The following GMPS variants were observed in gnomAD, a reference collection of about 807,000 sequenced individuals.
GMPS encodes GMP synthase [glutamine-hydrolyzing].
A neutral mutation model predicts 77.9 loss-of-function variants in GMPS; 15 were observed. The ratio of observed to expected loss-of-function variants is 0.19; its 90% CI spans 0.13 to 0.30. The LOEUF (loss-of-function observed/expected upper bound fraction) is 0.30, where lower values mean the gene tolerates loss of function less well. Among genes scored for constraint, GMPS ranks in the 10% least tolerant of loss-of-function variants. The probability of loss-of-function intolerance (pLI) is 1.00; values close to 1 mark genes in which losing one functional copy is unlikely to be tolerated. For missense variants in GMPS, 590 were observed against 838.8 expected, an observed-to-expected ratio of 0.70 and a Z score of 3.66; for synonymous variants, 224 against 275.9, an observed-to-expected ratio of 0.81 and a Z score of 1.86.
At chr3:155,899,654 T>C (rs1425842766) in intron 3 of GMPS, among the ~76,000 whole-genome samples, 1 of 152,212 alleles carries the variant, frequency 6.6e-6, no homozygotes, top group Admixed American at 6.5e-5. Context: ...TCATTCTTGA[T>C]TTTTGTACAT....
rs1200480346 is a variant in GMPS at position 155,940,974 on chromosome 3, T to C, written c.*3282T>C. The C allele has an allele frequency of 4.8e-6, 1 of 206,412 alleles. No homozygotes were observed. Among genetic ancestry groups the C allele is most frequent in the Non-Finnish European group, 9.9e-6 (1 of 101,146 alleles). 12.8% of individuals were successfully genotyped at this position (206,412 alleles called of 1,614,324 possible). A position where few individuals can be genotyped will look rare whatever the true frequency, so the allele number is the denominator to read the frequency against. On this transcript the variant is annotated 3_prime_UTR_variant, in exon 16 of 16. Coordinates refer to ENST00000496455, the MANE Select transcript of GMPS (RefSeq NM_003875.3). ...TTTGAAAAGCTGACAGAGAATATGC[T>C]TTGGCTTTGACACTAATGAAGTCAC... is the stretch of plus-strand genomic sequence containing the variant.
chr3:155,873,638 C>CTTTTTTTTTT lies in GMPS; in HGVS notation c.27+2746_27+2755dup, dbSNP rs58365650. On this transcript the variant is annotated intron_variant, in intron 1 of 15. Transcript: ENST00000496455. Reference sequence around the variant, plus strand: ...TGTCGTTAGGTTACATGAGTAAGTTCTTTTTTTTTTTTTTGAGATGGAGTC... The same window carrying CTTTTTTTTTT: ...TGTCGTTAGGTTACATGAGTAAGTTCTTTTTTTTTTTTTTTTTTTTTTTTGAGATGGAGTC... 4.6e-3 allele frequency among the ~76,000 whole-genome samples: 379 copies of CTTTTTTTTTT among 82,518 alleles called. 88 individuals carry two copies. The highest frequency in any genetic ancestry group is 5.9e-3 in the East Asian group (15 of 2,550). The allele number at this position is 82,518 out of a possible 152,430, so 54.1% of individuals were successfully genotyped here.
Position 155,910,819 on chromosome 3 carries a change from C to T in GMPS, c.654C>T (p.Thr218=), listed in dbSNP as rs368384536. 1.4e-5 allele frequency: 22 copies of T among 1,611,526 alleles called. No individual in the cohort carries two copies. In the East Asian group the frequency reaches 2.5e-4, roughly 18 times the overall value. ...TAGCTGGATGCAGTGGAACCTTCAC[C>T]GTGCAGAACAGAGAACTTGAGTGTA... The part of the protein sequence containing the change: ...YDIAGCSGTF[T]VQNRELECIR... Residue 218 remains threonine (T), a synonymous_variant, in exon 6 of 16, where the codon ACC becomes ACT. Transcript: ENST00000496455.
intron 1 of GMPS, among the ~76,000 whole-genome samples, chr3:155,881,415 G>C (rs1754204597): frequency 6.6e-6 from 1 of 151,952 alleles, no homozygotes; most frequent in African/African-American, 2.4e-5. Flanking sequence ...TAGGTGATCT[G>C]CCCTCCTTGG....
intron 1 of GMPS, 86 bp from the exon 2 acceptor site, chr3:155,893,432 A>T: frequency 1.2e-6 from 1 of 816,096 alleles, no homozygotes; most frequent in South Asian, 2.2e-5. Context: ...GTGTTTTTGG[A>T]GCTGACAGTG....
chr3:155,933,541 G>C lies in GMPS; in HGVS notation c.1677-1375G>C, dbSNP rs141655701. ...ATTATAACTTACTGTCTATACGTGG[G>C]ACAAAAACCTTGCTTCTGTTGTAGT... On this transcript the variant is annotated intron_variant, in intron 13 of 15. Coordinates refer to ENST00000496455, the MANE Select transcript of GMPS (RefSeq NM_003875.3). 8.1e-4 allele frequency among the ~76,000 whole-genome samples: 123 copies of C among 152,264 alleles called. 1 individual carries two copies. The East Asian group carries it at 0.014, about 18-fold the overall frequency.
chr3:155,918,337 A>T (rs1285805377), intron 9 of GMPS, among the ~76,000 whole-genome samples: 1 of 152,142 alleles, frequency 6.6e-6, no homozygotes. Context: ...CTGTAGTCCC[A>T]GCTACTCTGG....
At chr3:155,904,797 A>G (rs1336441877) in intron 4 of GMPS, among the ~76,000 whole-genome samples, 1 of 152,194 alleles carries the variant, frequency 6.6e-6, no homozygotes, top group Non-Finnish European at 1.5e-5. Flanking sequence ...GTGATATACC[A>G]GAAGAAGCTT....
chr3:155,875,506 A>C (rs2108045667), intron 1 of GMPS, among the ~76,000 whole-genome samples: 1 of 152,364 alleles, frequency 6.6e-6, no homozygotes, highest in African/African-American at 2.4e-5. Flanking sequence ...CTAAGATGAT[A>C]GGCGTGAGCC....
At chr3:155,879,021 G>A (rs546835076) in intron 1 of GMPS, among the ~76,000 whole-genome samples, 14 of 152,224 alleles carry the variant, frequency 9.2e-5, no homozygotes, top group Admixed American at 2.6e-4. Flanking sequence ...GAGATAATTT[G>A]ACTTTCCCCT....
intron 1 of GMPS, among the ~76,000 whole-genome samples, chr3:155,882,269 G>A (rs867917045): frequency 6.6e-6 from 1 of 152,278 alleles, no homozygotes; most frequent in African/African-American, 2.4e-5. Flanking sequence ...GGCCAACGAT[G>A]TTATATATGG....
At chr3:155,907,921 G>A (rs2108097496) in intron 5 of GMPS, among the ~76,000 whole-genome samples, 1 of 152,332 alleles carries the variant, frequency 6.6e-6, no homozygotes, top group South Asian at 2.1e-4. Context: ...TGTGGTTGGA[G>A]CAGAGTAAGC....
At chr3:155,933,880 A>C (rs1431203669) in intron 13 of GMPS, among the ~76,000 whole-genome samples, 2 of 152,214 alleles carry the variant, frequency 1.3e-5, no homozygotes, top group Admixed American at 6.5e-5. Flanking sequence ...GTCTGATTCT[A>C]ATTTCCTCAA....
At position 155,925,451 on chromosome 3, in the gene GMPS, C is replaced by T. The variant is rs147900200; in HGVS notation, c.1560+85C>T. On this transcript the variant is annotated intron_variant, in intron 12 of 15. Coordinates refer to ENST00000496455, the MANE Select transcript of GMPS (RefSeq NM_003875.3). Reference sequence around the variant, plus strand: ...ACGGAGTCTCACTGTGTTGCCCAGGCTGGAGCGCAGTGGCGTGATCTCAGC... The same window carrying T: ...ACGGAGTCTCACTGTGTTGCCCAGGTTGGAGCGCAGTGGCGTGATCTCAGC... 2.9e-5 allele frequency: 33 copies of T among 1,130,734 alleles called. No homozygotes were observed. In the African/African-American group the frequency reaches 4.9e-4, roughly 17 times the overall value. The allele number at this position is 1,130,734 out of a possible 1,614,324, so 70.0% of individuals were successfully genotyped here.
chr3:155,898,657 G>C (rs1238127040), intron 3 of GMPS, among the ~76,000 whole-genome samples: 1 of 152,172 alleles, frequency 6.6e-6, no homozygotes, highest in Non-Finnish European at 1.5e-5. Flanking sequence ...TCATGAGCTT[G>C]AAAGTATTTT....
At chr3:155,933,085 G>T (rs35321137) in intron 13 of GMPS, among the ~76,000 whole-genome samples, 155 of 151,990 alleles carry the variant, frequency 1.0e-3, no homozygotes, top group Non-Finnish European at 8.4e-4. Flanking sequence ...CCAGCTACTC[G>T]GGAGGCTGAG....
chr3:155,931,339 C>T (rs576700617), intron 12 of GMPS, among the ~76,000 whole-genome samples: 33 of 151,964 alleles, frequency 2.2e-4, no homozygotes, highest in African/African-American at 8.0e-4. Context: ...GTTCATGCCA[C>T]CATGCCTGGC....
At chr3:155,877,238 T>A (rs1754072241) in intron 1 of GMPS, among the ~76,000 whole-genome samples, 1 of 152,246 alleles carries the variant, frequency 6.6e-6, no homozygotes, top group Non-Finnish European at 1.5e-5. Flanking sequence ...ATTATTTTGA[T>A]GTTATTGGTA....
At chr3:155,897,722 A>G (rs1754636084) in intron 2 of GMPS, among the ~76,000 whole-genome samples, 3 of 152,250 alleles carry the variant, frequency 2.0e-5, no homozygotes, top group Admixed American at 2.0e-4. Flanking sequence ...ATAGACTTCT[A>G]AACATTGCAG....
Sources: gnomAD v4.1 joint callset for allele counts (sites outside exome capture counted in the v4.1 genomes callset) on GRCh38, gnomAD v4.1.1 for gene constraint, MANE v1.5 for transcripts, NCBI Gene and HGNC (gene_info 2026-07-23, HGNC 2026-07-21) for gene names.